PCDH11X: variants seen among roughly 807,000 people sequenced by gnomAD.
PCDH11X encodes protocadherin-11 X-linked.
In PCDH11X, 18 loss-of-function variants were observed where a neutral mutation model predicts 53.3. The ratio of observed to expected loss-of-function variants is 0.34; its 90% confidence interval spans 0.23 to 0.50. The LOEUF (loss-of-function observed/expected upper bound fraction) is 0.50. PCDH11X is among the 20% of genes least tolerant of loss of function. The pLI is 0.98. For synonymous variants in PCDH11X, 279 were observed against 393.3 expected (o/e 0.71, Z 3.44); for missense variants, 570 against 1,032.4 (o/e 0.55, Z 6.14).
At chrX:91,805,652 CA>C (rs1231212980) in intron 1 of PCDH11X, among the ~76,000 whole-genome samples, 2 of 90,326 alleles carry the variant, frequency 2.2e-5, no homozygotes, top group Non-Finnish European at 4.2e-5. Flanking sequence ...CCTGTCTCTA[CA>C]AAAAACATTT....
intron 6 of PCDH11X, among the ~76,000 whole-genome samples, chrX:92,011,586 T>C (rs1294455): frequency 2.7e-5 from 3 of 110,577 alleles, no homozygotes; most frequent in African/African-American, 9.8e-5. Context: ...ACAAGAAGTA[T>C]AGAAAAGAAT....
At chrX:92,571,727 C>A (rs1335810587) in intron 10 of PCDH11X, among the ~76,000 whole-genome samples, 3 of 109,213 alleles carry the variant, frequency 2.7e-5, no homozygotes, top group African/African-American at 1.0e-4. Context: ...TAATAGGAAT[C>A]CCTACTGAGA....
chrX:92,215,832 G>A (rs1160392405), intron 7 of PCDH11X, among the ~76,000 whole-genome samples: 5 of 107,192 alleles, frequency 4.7e-5, no homozygotes, highest in Non-Finnish European at 7.7e-5. Context: ...CACCTCACAC[G>A]GCCGGGTACT....
intron 6 of PCDH11X, among the ~76,000 whole-genome samples, chrX:92,005,066 G>A (rs894510140): frequency 2.0e-4 from 22 of 111,091 alleles, no homozygotes; most frequent in Middle Eastern, 4.7e-3. Context: ...GAGCCACTGC[G>A]CCTGGCCTAT....
chrX:92,408,683 C>T (rs1464092760), intron 9 of PCDH11X, among the ~76,000 whole-genome samples: 2 of 110,970 alleles, frequency 1.8e-5, no homozygotes, highest in African/African-American at 6.6e-5. Flanking sequence ...CTCGGGTTCA[C>T]GCCATTCTCC....
intron 10 of PCDH11X, among the ~76,000 whole-genome samples, chrX:92,602,296 G>T (rs1170018336): frequency 9.0e-6 from 1 of 111,536 alleles, no homozygotes. Flanking sequence ...CTCCATGAGA[G>T]CAAAAAAATA....
At chrX:92,075,497 C>A (rs982093128) in intron 6 of PCDH11X, among the ~76,000 whole-genome samples, 1 of 111,300 alleles carries the variant, frequency 9.0e-6, no homozygotes, top group African/African-American at 3.3e-5. Flanking sequence ...TTTGAATGAA[C>A]AAATCATATT....
chrX:92,376,673 G>A lies in PCDH11X; in HGVS notation c.3145-11062G>A, dbSNP rs749734679. Among the ~76,000 whole-genome samples, 4 of 111,753 alleles carry A rather than the reference G, an allele frequency of 3.6e-5. No individual in the cohort carries two copies. In the East Asian group the frequency reaches 8.5e-4, roughly 24 times the overall value. On this transcript the variant is annotated intron_variant, in intron 8 of 10. Coordinates refer to ENST00000682573, the MANE Select transcript of PCDH11X (RefSeq NM_032968.5). ...AAACAGAAGCAAATGTTCGGAGTGC[G>A]CTACTCTTTCTTTAGGTAAAATAAA...
chrX:92,247,077 T>G (rs927926403), intron 7 of PCDH11X, among the ~76,000 whole-genome samples: 7 of 112,190 alleles, frequency 6.2e-5, no homozygotes, highest in African/African-American at 2.3e-4. Flanking sequence ...AGTAATTATC[T>G]ATTTCAGCTT....
chrX:92,196,759 G>A (rs1169854532), intron 6 of PCDH11X, among the ~76,000 whole-genome samples: 1 of 111,050 alleles, frequency 9.0e-6, no homozygotes, highest in East Asian at 2.8e-4. Context: ...TCCATCCCTG[G>A]CAGGGCTGCT....
chrX:92,428,080 T>G (rs1404836761), intron 9 of PCDH11X, among the ~76,000 whole-genome samples: 1 of 102,246 alleles, frequency 9.8e-6, no homozygotes. Context: ...CTCATACAAG[T>G]GTACAAATGA....
chrX:92,320,777 C>T (rs774891567), intron 8 of PCDH11X, among the ~76,000 whole-genome samples: 32 of 111,413 alleles, frequency 2.9e-4, no homozygotes, highest in African/African-American at 1.0e-3. Flanking sequence ...CTGCAAAGAC[C>T]AGAGACAGGC....
At chrX:92,141,056 C>T (rs1193120004) in intron 6 of PCDH11X, among the ~76,000 whole-genome samples, 6 of 111,116 alleles carry the variant, frequency 5.4e-5, no homozygotes, top group Middle Eastern at 4.3e-3. Context: ...TATACAATGC[C>T]ACCCTCTATA....
At chrX:92,363,961 A>G (rs1237415593) in intron 8 of PCDH11X, among the ~76,000 whole-genome samples, 2 of 111,305 alleles carry the variant, frequency 1.8e-5, no homozygotes, top group East Asian at 5.6e-4. Flanking sequence ...TAGTACAGTC[A>G]TTGATTTTTG....
At chrX:92,229,515 C>T (rs1022173728) in intron 7 of PCDH11X, among the ~76,000 whole-genome samples, 4 of 110,823 alleles carry the variant, frequency 3.6e-5, no homozygotes, top group Non-Finnish European at 5.7e-5. Context: ...CTATGTGATT[C>T]CATAAGGGAA....
intron 6 of PCDH11X, among the ~76,000 whole-genome samples, chrX:91,884,190 CAAAAAAA>C: frequency 2.7e-5 from 1 of 37,730 alleles, no homozygotes; most frequent in East Asian, 8.0e-4. Context: ...GACTCCGTCT[CAAAAAAA>C]AAAAAAAAAA....
intron 7 of PCDH11X, among the ~76,000 whole-genome samples, chrX:92,202,515 G>A (rs1395367557): frequency 9.0e-6 from 1 of 111,026 alleles, no homozygotes; most frequent in Non-Finnish European, 1.9e-5. Flanking sequence ...ATGGTCACCT[G>A]ACATTCCTGG....
Position 91,835,550 on chromosome X carries a change from TGCGTGGTGTTCCACTCTG to T in PCDH11X, c.50_67del (p.Val17_Gly22del). 8.3e-7 allele frequency: 1 copy of T among 1,211,503 alleles called. No individual in the cohort carries two copies. The highest frequency in any genetic ancestry group is 1.1e-6 in the Non-Finnish European group (1 of 895,489). ...GTACATTTTCGCGGTCCTGCTAGCA[TGCGTGGTGTTCCACTCTG>T]GCGCCCAGGAGAAAAACTACACCAT... On this transcript the variant is annotated inframe_deletion, in exon 5 of 11. Coordinates refer to ENST00000682573, the MANE Select transcript of PCDH11X (RefSeq NM_032968.5).
chrX:92,284,089 A>C (rs1160718352), intron 8 of PCDH11X, among the ~76,000 whole-genome samples: 1 of 107,955 alleles, frequency 9.3e-6, no homozygotes, highest in Non-Finnish European at 1.9e-5. Flanking sequence ...ATTCAAATTA[A>C]GACAGCACCT....
Sources: allele counts gnomAD v4.1 joint callset (sites outside exome capture counted in the v4.1 genomes callset), GRCh38; gene constraint gnomAD v4.1.1; transcripts MANE v1.5; gene names NCBI Gene and HGNC (gene_info 2026-07-23, HGNC 2026-07-21).